Variants in MAPK10 observed in about 807,000 individuals in gnomAD.
MAPK10 encodes mitogen-activated protein kinase 10.
Under a neutral mutation model 59.3 loss-of-function variants are expected in MAPK10, and 25 were observed. The ratio of observed to expected loss-of-function variants is 0.42; its 90% CI spans 0.31 to 0.59. The LOEUF (loss-of-function observed/expected upper bound fraction) is 0.59, where lower values mean the gene tolerates loss of function less well. Ranked by LOEUF, MAPK10 falls within the 20% of genes least tolerant of loss-of-function variation. The pLI, the probability that MAPK10 is intolerant of heterozygous loss-of-function variation, is 0.15. For synonymous variants in MAPK10, 190 were observed against 200.5 expected, an observed-to-expected ratio of 0.95 and a Z score of 0.44; for missense variants, 351 against 568.9, an observed-to-expected ratio of 0.62 and a Z score of 3.90.
intron 2 of MAPK10, among the ~76,000 whole-genome samples, chr4:86,302,991 C>CA (rs1423503706): frequency 4.6e-5 from 7 of 152,140 alleles, no homozygotes; most frequent in Non-Finnish European, 8.8e-5. Context: ...GCCTCCTGTC[C>CA]ACTTTAGACT....
chr4:86,066,532 C>T (rs890710925), intron 10 of MAPK10, among the ~76,000 whole-genome samples: 1 of 150,512 alleles, frequency 6.6e-6, no homozygotes, highest in African/African-American at 2.4e-5. Context: ...TTTGGAAGGC[C>T]GAGGCAGGCA....
At chr4:86,473,760 T>C (rs1752843785) in intron 1 of MAPK10, among the ~76,000 whole-genome samples, 1 of 152,196 alleles carries the variant, frequency 6.6e-6, no homozygotes, top group Non-Finnish European at 1.5e-5. Context: ...AAATTTGTAA[T>C]ATGTCTGTGA....
chr4:86,168,205 T>TGGGTGCAGGACAGC (rs1231708452), intron 3 of MAPK10, among the ~76,000 whole-genome samples: 10 of 152,146 alleles, frequency 6.6e-5, no homozygotes, highest in African/African-American at 2.4e-4. Flanking sequence ...TGCCAGACAG[T>TGGGTGCAGGACAGC]GGGTGCAGGA....
At chr4:86,171,987 T>C in intron 3 of MAPK10, among the ~76,000 whole-genome samples, 1 of 148,116 alleles carries the variant, frequency 6.8e-6, no homozygotes, top group Non-Finnish European at 1.5e-5. Flanking sequence ...TCATCATCAC[T>C]GGCCATCAGA....
chr4:86,328,473 C>A (rs112616863), intron 2 of MAPK10, among the ~76,000 whole-genome samples: 67 of 152,220 alleles, frequency 4.4e-4, no homozygotes, highest in African/African-American at 1.6e-3. Context: ...ACAAGAAATA[C>A]CACGTGACCC....
intron 2 of MAPK10, among the ~76,000 whole-genome samples, chr4:86,245,209 A>T (rs1157587337): frequency 1.3e-5 from 2 of 152,184 alleles, no homozygotes; most frequent in African/African-American, 4.8e-5. Context: ...AGCTCTTTAG[A>T]CAGCTTATAT....
At chr4:86,137,784 C>A (rs1442448562) in intron 4 of MAPK10, among the ~76,000 whole-genome samples, 3 of 144,362 alleles carry the variant, frequency 2.1e-5, no homozygotes, top group Admixed American at 2.1e-4. Context: ...TGATAGACCG[C>A]TAGCAAGACT....
rs1010027599 is a variant in MAPK10, at chr4:86,354,563, G to A, written c.-40C>T. 106 of 1,230,954 alleles carry A rather than the reference G, an allele frequency of 8.6e-5. No homozygotes were observed. The highest frequency in any genetic ancestry group is 6.5e-4 in the African/African-American group (42 of 64,488). The allele number at this position is 1,230,954 out of a possible 1,614,324, so 76.3% of individuals were successfully genotyped here. The stretch of plus-strand genomic sequence containing the variant: ...GTATGGTTTCTCATCTATAGGAAAC[G>A]GGTCTAATTCAACAGTTTCTTGCAT... On this transcript the variant is annotated 5_prime_UTR_variant, in exon 2 of 14. Transcript: ENST00000641462.
intron 2 of MAPK10, among the ~76,000 whole-genome samples, chr4:86,232,302 A>C (rs2091664050): frequency 6.6e-6 from 1 of 152,218 alleles, no homozygotes; most frequent in African/African-American, 2.4e-5. Context: ...ACCAAGGTAA[A>C]AATTTAGCTA....
intron 2 of MAPK10, among the ~76,000 whole-genome samples, chr4:86,302,982 C>T (rs905547741): frequency 1.6e-4 from 24 of 152,144 alleles, no homozygotes; most frequent in Admixed American, 4.6e-4. Flanking sequence ...AGTAAGGCTG[C>T]CTCCTGTCCA....
intron 2 of MAPK10, among the ~76,000 whole-genome samples, chr4:86,306,276 TCTTC>T (rs1402230009): frequency 1.3e-5 from 2 of 152,266 alleles, no homozygotes; most frequent in Non-Finnish European, 2.9e-5. Context: ...CTATTTAATA[TCTTC>T]CTTAATAGAG....
chr4:86,313,388 T>C (rs2095710357), intron 2 of MAPK10, among the ~76,000 whole-genome samples: 1 of 152,082 alleles, frequency 6.6e-6, no homozygotes, highest in Non-Finnish European at 1.5e-5. Flanking sequence ...GTTGATATAT[T>C]GAACCTTATT....
intron 1 of MAPK10, among the ~76,000 whole-genome samples, chr4:86,466,132 C>T (rs1752176796): frequency 6.6e-6 from 1 of 152,186 alleles, no homozygotes; most frequent in African/African-American, 2.4e-5. Context: ...AATAAATCTA[C>T]TCCTATAATT....
chr4:86,520,824 C>T (rs1034188416), intron 1 of MAPK10, among the ~76,000 whole-genome samples: 4 of 152,158 alleles, frequency 2.6e-5, no homozygotes, highest in Admixed American at 2.6e-4. Flanking sequence ...TGGTGCTCTC[C>T]CCCTTCCCCT....
intron 2 of MAPK10, among the ~76,000 whole-genome samples, chr4:86,266,596 A>C (rs547294606): frequency 2.6e-5 from 4 of 152,224 alleles, no homozygotes; most frequent in Non-Finnish European, 5.9e-5. Flanking sequence ...CATCATAAAA[A>C]TATCCATTCA....
chr4:86,156,470 A>G (rs1225782794), intron 4 of MAPK10, among the ~76,000 whole-genome samples: 2 of 152,026 alleles, frequency 1.3e-5, no homozygotes, highest in African/African-American at 4.8e-5. Context: ...GGTGTGTAAC[A>G]CCACCAAGAC....
intron 9 of MAPK10, among the ~76,000 whole-genome samples, chr4:86,074,556 G>A (rs1358888877): frequency 3.2e-5 from 4 of 126,358 alleles, no homozygotes; most frequent in Non-Finnish European, 5.1e-5. Context: ...CATGTTTAGC[G>A]CTTCCTTCAG....
chr4:86,330,173 TA>T (rs1181676291), intron 2 of MAPK10, among the ~76,000 whole-genome samples: 1 of 152,242 alleles, frequency 6.6e-6, no homozygotes, highest in African/African-American at 2.4e-5. Context: ...CCATTGGAAC[TA>T]ATTTATACAG....
chr4:86,343,364 T>C (rs59238446), intron 2 of MAPK10, among the ~76,000 whole-genome samples: 108,959 of 151,370 alleles, frequency 0.72, 39,992 homozygotes, highest in South Asian at 0.9. Context: ...TCAGGTTCTA[T>C]GTCAGATTTT....
Sources: gnomAD v4.1 joint callset for allele counts (sites outside exome capture counted in the v4.1 genomes callset) on GRCh38, gnomAD v4.1.1 for gene constraint, MANE v1.5 for transcripts, NCBI Gene and HGNC (gene_info 2026-07-23, HGNC 2026-07-21) for gene names.